Variants in STX12 observed in about 807,000 individuals in gnomAD.
STX12 encodes syntaxin 12.
STX12 carries 17 observed loss-of-function variants against 42.2 expected under a neutral mutation model. The ratio of observed to expected loss-of-function variants is 0.40; its 90% CI spans 0.28 to 0.60. The LOEUF is 0.60. Among genes scored for constraint, STX12 ranks in the 20% least tolerant of loss-of-function variants. STX12 has a pLI of 0.39. For missense variants in STX12, 297 were observed against 330.9 expected, an observed-to-expected ratio of 0.90 and a Z score of 0.79; for synonymous variants, 108 against 116.7, an observed-to-expected ratio of 0.93 and a Z score of 0.48.
chr1:27,789,997 C>G (rs1342913640), intron 2 of STX12, among the ~76,000 whole-genome samples: 11 of 152,092 alleles, frequency 7.2e-5, no homozygotes, highest in African/African-American at 2.7e-4. Flanking sequence ...GGATTTCCAG[C>G]TACAGTCAGC....
rs1342546470 is a variant in STX12 at position 27,801,662 on chromosome 1, T to C, written c.289-16T>C. On this transcript the variant is annotated splice_polypyrimidine_tract_variant and intron_variant, in intron 3 of 8. Transcript: ENST00000373943. ...GGGTTAATATGAAATCTCAAGTTCT[T>C]GCTTGATTTCCTTAGCGCCAGCAGA... 2 of 1,477,408 alleles carry C rather than the reference T, an allele frequency of 1.4e-6. No homozygotes were observed. Among genetic ancestry groups the C allele is most frequent in the South Asian group, 1.4e-5 (1 of 69,608 alleles). 91.5% of individuals were successfully genotyped at this position (1,477,408 alleles called of 1,614,324 possible).
At chr1:27,792,596 C>G (rs963793133) in intron 2 of STX12, among the ~76,000 whole-genome samples, 3 of 151,582 alleles carry the variant, frequency 2.0e-5, no homozygotes, top group African/African-American at 7.3e-5. Flanking sequence ...GTGTGTTAGC[C>G]CATTTGGGCT....
At position 27,783,326 on chromosome 1, in the gene STX12, G is replaced by T. The variant is rs530967643; in HGVS notation, c.119-6236G>T. Among the ~76,000 whole-genome samples, 5 of 152,022 alleles carry T rather than the reference G, an allele frequency of 3.3e-5. No individual in the cohort carries two copies. The East Asian group carries it at 9.7e-4, about 29-fold the overall frequency. On this transcript the variant is annotated intron_variant, in intron 1 of 8. Coordinates refer to ENST00000373943, the MANE Select transcript of STX12 (RefSeq NM_177424.3). The stretch of plus-strand genomic sequence containing the variant: ...AGGAGAAATTGAGTCCTAGTTGTTT[G>T]TTTTTTGTTTTTGTTTTTGTTTTTT...
chr1:27,788,340 G>C (rs1004513186), intron 1 of STX12, among the ~76,000 whole-genome samples: 23 of 152,060 alleles, frequency 1.5e-4, no homozygotes, highest in Non-Finnish European at 2.9e-4. Context: ...ATAAATGAAG[G>C]GCTCTATTGT....
intron 1 of STX12, among the ~76,000 whole-genome samples, chr1:27,777,190 CAG>C (rs2088633376): frequency 2.0e-5 from 3 of 152,140 alleles, no homozygotes; most frequent in African/African-American, 7.2e-5. Flanking sequence ...GGTAGAGAGT[CAG>C]GGAAGAGGGA....
At chr1:27,787,901 G>T (rs538428395) in intron 1 of STX12, among the ~76,000 whole-genome samples, 1 of 152,208 alleles carries the variant, frequency 6.6e-6, no homozygotes, top group East Asian at 1.9e-4. Flanking sequence ...GGACATGGGA[G>T]CATTATATGT....
intron 4 of STX12, among the ~76,000 whole-genome samples, chr1:27,807,896 G>A (rs1317788374): frequency 6.6e-6 from 1 of 152,112 alleles, no homozygotes; most frequent in Non-Finnish European, 1.5e-5. Flanking sequence ...GATGGATCTG[G>A]CATAATCTGG....
chr1:27,787,551 C>G (rs1159242958), intron 1 of STX12, among the ~76,000 whole-genome samples: 4 of 151,776 alleles, frequency 2.6e-5, no homozygotes, highest in Non-Finnish European at 1.5e-5. Flanking sequence ...CCCAGCTACT[C>G]GGGAGGCTGA....
intron 6 of STX12, among the ~76,000 whole-genome samples, chr1:27,812,566 C>T (rs1047661297): frequency 4.6e-5 from 7 of 151,870 alleles, no homozygotes; most frequent in East Asian, 1.9e-4. Flanking sequence ...CTCAGACTCT[C>T]GAGTAGCTGG....
chr1:27,819,350 CTT>C (rs922213768), intron 7 of STX12, among the ~76,000 whole-genome samples: 1 of 150,698 alleles, frequency 6.6e-6, no homozygotes, highest in Non-Finnish European at 1.5e-5. Flanking sequence ...AGATTTACCT[CTT>C]GTTAACATTC....
At chr1:27,809,927 C>G (rs995030059) in intron 4 of STX12, 2 of 206,482 alleles carry the variant, frequency 9.7e-6, no homozygotes, top group Non-Finnish European at 1.9e-5. Context: ...TGTATTCTTG[C>G]AAGTTTATCT....
At chr1:27,800,564 CTA>C (rs1388249854) in intron 3 of STX12, among the ~76,000 whole-genome samples, 1 of 151,392 alleles carries the variant, frequency 6.6e-6, no homozygotes, top group Non-Finnish European at 1.5e-5. Context: ...GAGTTTCACT[CTA>C]TTGCTGAGGC....
At chr1:27,820,338 C>T (rs2088975986) in intron 8 of STX12, 1 of 152,126 alleles carries the variant, frequency 6.6e-6, no homozygotes, top group Non-Finnish European at 1.5e-5. Flanking sequence ...ATGTCCTTCG[C>T]CCACTTTTTG....
In STX12 at chr1:27,801,781, G is replaced by A. The variant is rs144766604; in HGVS notation, c.392G>A (p.Ser131Asn). The change falls in exon 4 of 9, where the codon AGT (serine) becomes AAT (asparagine). Residue 131 changes from serine (S) to asparagine (N), a missense_variant. Ser to Asn is a conservative substitution (Grantham distance 46, BLOSUM62 1). Transcript: ENST00000373943. ...AGGGTATCTGAAAAGGAAAAGGAGA[G>A]TATTGCCAGAGCAAGAGCTGGATCT... ...QRRVSEKEKE[S>N]IARARAGSRL... The A allele has an allele frequency of 8.2e-6, 13 of 1,591,460 alleles. No individual in the cohort carries two copies. Among genetic ancestry groups the A allele is most frequent in the African/African-American group, 1.4e-5 (1 of 73,314 alleles).
chr1:27,782,127 G>A (rs931887610), intron 1 of STX12, among the ~76,000 whole-genome samples: 7 of 152,102 alleles, frequency 4.6e-5, no homozygotes, highest in African/African-American at 1.7e-4. Context: ...TTTGAGAAAG[G>A]GTCTTGCTCT....
chr1:27,810,708 G>T (rs982943374), intron 5 of STX12, among the ~76,000 whole-genome samples: 6 of 152,158 alleles, frequency 3.9e-5, no homozygotes, highest in African/African-American at 1.4e-4. Context: ...AGGGAAACCA[G>T]ACAATTTGTA....
At chr1:27,779,927 G>T (rs892272434) in intron 1 of STX12, among the ~76,000 whole-genome samples, 2 of 151,954 alleles carry the variant, frequency 1.3e-5, no homozygotes, top group African/African-American at 4.8e-5. Context: ...GAGTAGCTGG[G>T]ATTACAGGCG....
Position 27,822,366 on chromosome 1 carries a change from G to C in STX12, c.*37G>C, listed in dbSNP as rs6660458. 5.0e-3 allele frequency: 6,737 copies of C among 1,346,806 alleles called. 147 individuals carry two copies. The African/African-American group carries it at 0.062, about 12-fold the overall frequency. The allele number at this position is 1,346,806 out of a possible 1,614,324, so 83.4% of individuals were successfully genotyped here. A position where few individuals can be genotyped will look rare whatever the true frequency, so the allele number is the denominator to read the frequency against. On this transcript the variant is annotated 3_prime_UTR_variant, in exon 9 of 9. Coordinates refer to ENST00000373943, the MANE Select transcript of STX12 (RefSeq NM_177424.3). ...CGTTCTCCCGCTGAGCTGTTTTCAAGGGCAAGTGCTTGTTGAAGTCTTGCC... is the reference window on the plus strand; with the variant it reads ...CGTTCTCCCGCTGAGCTGTTTTCAACGGCAAGTGCTTGTTGAAGTCTTGCC...
chr1:27,812,553 T>G (rs1294585083), intron 6 of STX12, among the ~76,000 whole-genome samples: 3 of 152,048 alleles, frequency 2.0e-5, no homozygotes, highest in Non-Finnish European at 2.9e-5. Flanking sequence ...GCGATTCTCC[T>G]GCCTCAGACT....
Sources: gnomAD v4.1 joint callset for allele counts (sites outside exome capture counted in the v4.1 genomes callset) on GRCh38, gnomAD v4.1.1 for gene constraint, MANE v1.5 for transcripts, NCBI Gene and HGNC (gene_info 2026-07-23, HGNC 2026-07-21) for gene names.